The following ARIH2 variants were observed in gnomAD, a reference collection of about 807,000 sequenced individuals.
ARIH2 encodes the protein ariadne RBR E3 ubiquitin protein ligase 2, also known as E3 ubiquitin-protein ligase ARIH2.
ARIH2 carries 12 observed loss-of-function variants against 79.8 expected under a neutral mutation model. The ratio of observed to expected loss-of-function variants is 0.15; its 90% CI spans 0.10 to 0.24. The LOEUF is 0.24. ARIH2 is among the 10% of genes least tolerant of loss of function. The pLI is 1.00. For synonymous variants in ARIH2, 224 were observed against 213.9 expected (o/e 1.05, Z -0.41); for missense variants, 301 against 618.3 (o/e 0.49, Z 5.44).
At chr3:48,941,492 C>G (rs2088212840) in intron 3 of ARIH2, among the ~76,000 whole-genome samples, 1 of 152,076 alleles carries the variant, frequency 6.6e-6, no homozygotes, top group South Asian at 2.1e-4. Flanking sequence ...GATAGGAAGA[C>G]CTGGTGGTGG....
At position 48,954,245 on chromosome 3, in the gene ARIH2, G is replaced by A. The variant is rs139267464; in HGVS notation, c.256-7367G>A. 3.0e-3 allele frequency among the ~76,000 whole-genome samples: 449 copies of A among 152,112 alleles called. 4 individuals carry two copies. Among genetic ancestry groups the A allele is most frequent in the African/African-American group, 0.01 (426 of 41,496 alleles). ...CCGAGGCAGGCGGATCACAAGGTCA[G>A]GAGATCGAGACCATCCTGGCTAACA... On this transcript the variant is annotated intron_variant, in intron 3 of 15. Transcript: ENST00000356401.
chr3:48,962,131 CTT>C (rs1458062247), intron 4 of ARIH2, among the ~76,000 whole-genome samples: 7 of 152,052 alleles, frequency 4.6e-5, no homozygotes, highest in Admixed American at 4.6e-4. Flanking sequence ...AATCTCAGCA[CTT>C]TGGGAGGCTG....
intron 3 of ARIH2, among the ~76,000 whole-genome samples, chr3:48,939,986 G>A (rs1165627658): frequency 2.0e-5 from 3 of 152,004 alleles, no homozygotes; most frequent in Admixed American, 6.6e-5. Flanking sequence ...CACTTTGGGA[G>A]GCCGAGGCAG....
intron 8 of ARIH2, among the ~76,000 whole-genome samples, chr3:48,971,435 G>A (rs2092230228): frequency 1.3e-5 from 2 of 152,178 alleles, no homozygotes; most frequent in African/African-American, 4.8e-5. Flanking sequence ...AGTAGAGACA[G>A]GGTTTCACTG....
intron 3 of ARIH2, among the ~76,000 whole-genome samples, chr3:48,930,975 G>A (rs1197048835): frequency 1.3e-5 from 2 of 152,080 alleles, no homozygotes; most frequent in African/African-American, 2.4e-5. Flanking sequence ...TCATGTCTGT[G>A]TACTCATTTT....
rs559215779 is a variant in ARIH2 at position 48,984,574 on chromosome 3, A to G, written c.*1304A>G. ...GAACAAGTGGTTTGCCTGGTGTCCTACCTGTCCTGAACCTGGTCCTGTGGG... is the reference window on the plus strand; with the variant it reads ...GAACAAGTGGTTTGCCTGGTGTCCTGCCTGTCCTGAACCTGGTCCTGTGGG... On this transcript the variant is annotated 3_prime_UTR_variant, in exon 16 of 16. Coordinates refer to ENST00000356401, the MANE Select transcript of ARIH2 (RefSeq NM_006321.4). The G allele has an allele frequency of 3.3e-5, 5 of 152,298 alleles. No homozygotes were observed. Among genetic ancestry groups the G allele is most frequent in the East Asian group, 1.9e-4 (1 of 5,170 alleles). 9.4% of individuals were successfully genotyped at this position (152,298 alleles called of 1,614,324 possible).
intron 9 of ARIH2, among the ~76,000 whole-genome samples, chr3:48,974,130 G>A (rs898498614): frequency 6.6e-6 from 1 of 152,166 alleles, no homozygotes; most frequent in Non-Finnish European, 1.5e-5. Context: ...AAGGGAGGTG[G>A]TTAATAGCCA....
At chr3:48,958,389 T>G (rs2090851172) in intron 3 of ARIH2, among the ~76,000 whole-genome samples, 1 of 152,172 alleles carries the variant, frequency 6.6e-6, no homozygotes, top group African/African-American at 2.4e-5. Context: ...GGCACCGCAC[T>G]GTAGCCTGCA....
chr3:48,940,808 A>AAAATATAT lies in ARIH2; in HGVS notation c.255+12996_255+12997insAATATATA, dbSNP rs759369585. Reference sequence around the variant, plus strand: ...AGACTCCGTCTCAAAAAAAAAAAAAAATATATATATATATATATATAGCCA... The same window carrying AAAATATAT: ...AGACTCCGTCTCAAAAAAAAAAAAAAAAATATATATATATATATATATATATATAGCCA... On this transcript the variant is annotated intron_variant, in intron 3 of 15. Coordinates refer to ENST00000356401, the MANE Select transcript of ARIH2 (RefSeq NM_006321.4). 2.0e-3 allele frequency among the ~76,000 whole-genome samples: 198 copies of AAAATATAT among 98,004 alleles called. 1 individual carries two copies. Among genetic ancestry groups the AAAATATAT allele is most frequent in the South Asian group, 0.013 (37 of 2,858 alleles). The allele number at this position is 98,004 out of a possible 152,430, so 64.3% of individuals were successfully genotyped here.
Position 48,927,502 on chromosome 3 carries a change from G to A in ARIH2, c.-57G>A. The A allele has an allele frequency of 1.3e-6, 2 of 1,579,826 alleles. No individual in the cohort carries two copies. The highest frequency in any genetic ancestry group is 2.2e-5 in the East Asian group (1 of 44,626). On this transcript the variant is annotated 5_prime_UTR_variant, in exon 3 of 16. Coordinates refer to ENST00000356401, the MANE Select transcript of ARIH2 (RefSeq NM_006321.4). ...ATGCATTTGAGAAAGCGGTAGTTTT[G>A]GGGGGAGGGGGAAAAAGCAACTGCT...
intron 1 of ARIH2, among the ~76,000 whole-genome samples, chr3:48,921,110 C>A (rs1304092863): frequency 1.3e-5 from 1 of 75,536 alleles, no homozygotes; most frequent in Non-Finnish European, 2.7e-5. Context: ...GCGCATGCTA[C>A]CACGCCCAGC....
chr3:48,935,007 A>C (rs1009066536), intron 3 of ARIH2: 3 of 959,584 alleles, frequency 3.1e-6, no homozygotes, highest in Non-Finnish European at 3.7e-6. Flanking sequence ...TGAGTTTATA[A>C]ATTTTTTTGT....
At position 48,979,123 on chromosome 3, in the gene ARIH2, ACAGT is replaced by A. The variant is rs951311407; in HGVS notation, c.962-355_962-352del. 1.6e-4 allele frequency among the ~76,000 whole-genome samples: 25 copies of A among 152,284 alleles called. No homozygotes were observed. In the South Asian group the frequency reaches 2.7e-3, roughly 16 times the overall value. On this transcript the variant is annotated intron_variant, in intron 11 of 15. Coordinates refer to ENST00000356401, the MANE Select transcript of ARIH2 (RefSeq NM_006321.4). Reference sequence around the variant, plus strand: ...TTTGTACTGATGATGTGCGTTTAAGACAGTCAGGTCGGCCTCAGTTGGACTAGTT... The same window carrying A: ...TTTGTACTGATGATGTGCGTTTAAGACAGGTCGGCCTCAGTTGGACTAGTT...
chr3:48,949,882 G>T (rs1199646284), intron 3 of ARIH2, among the ~76,000 whole-genome samples: 1 of 150,500 alleles, frequency 6.6e-6, no homozygotes, highest in Non-Finnish European at 1.5e-5. Context: ...TTTTCTAAAT[G>T]GTGTCTTTTG....
chr3:48,967,235 G>A lies in ARIH2; in HGVS notation c.498G>A (p.Glu166=). 1 of 1,614,226 alleles carries A rather than the reference G, an allele frequency of 6.2e-7. No individual in the cohort carries two copies. Among genetic ancestry groups the A allele is most frequent in the Non-Finnish European group, 8.5e-7 (1 of 1,180,046 alleles). The part of the protein sequence containing the change: ...CQHQFCRSCW[E]QHCSVLVKDG... ...ACCAGTTTTGCCGCAGCTGCTGGGA[G>A]CAGCACTGCTCAGTTCTCGTCAAGG... The change falls in exon 6 of 16, where the codon GAG becomes GAA. Residue 166 remains glutamate, a synonymous_variant. Coordinates refer to ENST00000356401, the MANE Select transcript of ARIH2 (RefSeq NM_006321.4).
chr3:48,978,565 C>T (rs2092638675), intron 11 of ARIH2, among the ~76,000 whole-genome samples: 1 of 149,442 alleles, frequency 6.7e-6, no homozygotes, highest in Non-Finnish European at 1.5e-5. Context: ...GTGATCCATC[C>T]GCCTTGGCCT....
intron 3 of ARIH2, among the ~76,000 whole-genome samples, chr3:48,941,579 T>C (rs1474799879): frequency 6.6e-6 from 1 of 151,626 alleles, no homozygotes; most frequent in Non-Finnish European, 1.5e-5. Flanking sequence ...AACTATTGAT[T>C]TTTCTTTTCT....
intron 11 of ARIH2, among the ~76,000 whole-genome samples, chr3:48,975,524 T>G (rs1273060670): frequency 1.3e-5 from 2 of 151,906 alleles, no homozygotes; most frequent in Admixed American, 6.6e-5. Context: ...GTGGGTCTTC[T>G]ACGCAGCTGC....
intron 3 of ARIH2, among the ~76,000 whole-genome samples, chr3:48,940,158 A>G (rs1309203022): frequency 1.3e-5 from 2 of 152,082 alleles, no homozygotes; most frequent in African/African-American, 4.8e-5. Context: ...GTGAGCCAAG[A>G]TCGCGCCACT....
Sources: allele counts gnomAD v4.1 joint callset (sites outside exome capture counted in the v4.1 genomes callset), GRCh38; gene constraint gnomAD v4.1.1; transcripts MANE v1.5; gene names NCBI Gene and HGNC (gene_info 2026-07-23, HGNC 2026-07-21).